SLF1: variants seen among roughly 807,000 people sequenced by gnomAD.
SLF1 encodes the protein SMC5-SMC6 complex localization factor protein 1.
SLF1 carries 105 observed loss-of-function variants against 123.0 expected under a neutral mutation model. The ratio of observed to expected loss-of-function variants is 0.85; its 90% CI spans 0.73 to 1.00. SLF1 has a LOEUF of 1.00. Among genes scored for constraint, SLF1 ranks in the 50% least tolerant of loss-of-function variants. The pLI, the probability that SLF1 is intolerant of heterozygous loss-of-function variation, is 0.00. For missense variants in SLF1, 1,239 were observed against 1,223.0 expected (o/e 1.01, Z -0.20); for synonymous variants, 434 against 406.6 (o/e 1.07, Z -0.81).
rs762774766 is a variant in SLF1, at chr5:94,689,482, C to G, written c.2295C>G (p.Asn765Lys). The change falls in exon 18 of 21, where the codon AAC becomes AAG. Residue 765 changes from asparagine to lysine, a missense_variant. Transcript: ENST00000265140. The part of the protein sequence containing the change: ...VEGLPELLDL[N>K]LAKCSSSLKK... ...TTACTTTTCCTTTCAGAGACCTGAACCTTGCTAAATGTTCCTCATCATTAA... is the reference window on the plus strand; with the variant it reads ...TTACTTTTCCTTTCAGAGACCTGAAGCTTGCTAAATGTTCCTCATCATTAA... 3 of 1,611,456 alleles carry G rather than the reference C, an allele frequency of 1.9e-6. No homozygotes were observed. The highest frequency in any genetic ancestry group is 2.5e-6 in the Non-Finnish European group (3 of 1,178,918).
At chr5:94,641,847 T>C (rs1275912808) in intron 4 of SLF1, among the ~76,000 whole-genome samples, 4 of 152,360 alleles carry the variant, frequency 2.6e-5, no homozygotes, top group African/African-American at 7.2e-5. Flanking sequence ...AATTCTGCCT[T>C]GTACATGTAG....
intron 1 of SLF1, among the ~76,000 whole-genome samples, chr5:94,622,341 A>G (rs1341567602): frequency 6.6e-6 from 1 of 152,208 alleles, no homozygotes; most frequent in African/African-American, 2.4e-5. Flanking sequence ...AGTTTGCTGT[A>G]AAAGTAGGTT....
chr5:94,688,689 C>G lies in SLF1; in HGVS notation c.2285+20C>G, dbSNP rs1752726245. On this transcript the variant is annotated intron_variant, in intron 17 of 20. Coordinates refer to ENST00000265140, the MANE Select transcript of SLF1 (RefSeq NM_032290.4). Reference sequence around the variant, plus strand: ...GTTACTGTAAGTGATGCTGATATCCCAGCTGTGCTTTGTTTTGGAGTACAG... The same window carrying G: ...GTTACTGTAAGTGATGCTGATATCCGAGCTGTGCTTTGTTTTGGAGTACAG... 6.2e-7 allele frequency: 1 copy of G among 1,612,350 alleles called. No homozygotes were observed. The highest frequency in any genetic ancestry group is 1.3e-5 in the African/African-American group (1 of 74,872).
At chr5:94,622,762 ATTTAT>A (rs979121286) in intron 1 of SLF1, among the ~76,000 whole-genome samples, 8 of 152,084 alleles carry the variant, frequency 5.3e-5, no homozygotes, top group Admixed American at 2.0e-4. Context: ...AGTCTTAAAT[ATTTAT>A]TTTAGCTAAT....
intron 5 of SLF1, among the ~76,000 whole-genome samples, chr5:94,646,432 A>G (rs762993737): frequency 6.6e-5 from 10 of 152,232 alleles, no homozygotes; most frequent in African/African-American, 9.6e-5. Context: ...GAATGACCAT[A>G]TATCACACTT....
At chr5:94,624,106 G>A (rs1390539807) in intron 1 of SLF1, among the ~76,000 whole-genome samples, 1 of 152,112 alleles carries the variant, frequency 6.6e-6, no homozygotes, top group Non-Finnish European at 1.5e-5. Flanking sequence ...TTAGCTAGTA[G>A]CTCAGTTTTT....
At chr5:94,661,903 A>G (rs1047161348) in intron 9 of SLF1, among the ~76,000 whole-genome samples, 1 of 151,992 alleles carries the variant, frequency 6.6e-6, no homozygotes, top group South Asian at 2.1e-4. Flanking sequence ...TAAATATGCA[A>G]TTATGGGTGT....
chr5:94,637,657 A>G (rs1252488318), intron 4 of SLF1, among the ~76,000 whole-genome samples: 1 of 152,038 alleles, frequency 6.6e-6, no homozygotes, highest in African/African-American at 2.4e-5. Flanking sequence ...TAAGCTGAGC[A>G]CTGTTTAAAG....
chr5:94,639,566 G>A (rs1045496967), intron 4 of SLF1, among the ~76,000 whole-genome samples: 5 of 152,154 alleles, frequency 3.3e-5, no homozygotes, highest in African/African-American at 9.7e-5. Flanking sequence ...GTTGAACAAT[G>A]TGGGATTGGA....
intron 5 of SLF1, among the ~76,000 whole-genome samples, chr5:94,644,274 A>C (rs932102643): frequency 6.6e-6 from 1 of 151,988 alleles, no homozygotes; most frequent in Non-Finnish European, 1.5e-5. Context: ...TTTTACTCTA[A>C]TTTCCTAGTT....
chr5:94,656,781 C>G (rs1226920739), intron 9 of SLF1, among the ~76,000 whole-genome samples: 1 of 151,596 alleles, frequency 6.6e-6, no homozygotes, highest in Non-Finnish European at 1.5e-5. Flanking sequence ...TCATAATAGT[C>G]TCTAATATTC....
chr5:94,653,394 A>G lies in SLF1; in HGVS notation c.1005A>G (p.Leu335=). ...GVEHEKIKST[L]RRHIYNRDQK... ...AACATGAAAAAATAAAAAGTACCTT[A>G]AGAAGGCACATATATAATAGAGATC... The change falls in exon 8 of 21, where the codon TTA becomes TTG. Residue 335 remains leucine (L), a synonymous_variant. Transcript: ENST00000265140. The G allele has an allele frequency of 6.6e-7, 1 of 1,523,364 alleles. No individual in the cohort carries two copies. Among genetic ancestry groups the G allele is most frequent in the African/African-American group, 1.4e-5 (1 of 70,600 alleles). The allele number at this position is 1,523,364 out of a possible 1,614,324, so 94.4% of individuals were successfully genotyped here. A position where few individuals can be genotyped will look rare whatever the true frequency, so the allele number is the denominator to read the frequency against.
chr5:94,657,012 T>G (rs1433502742), intron 9 of SLF1, among the ~76,000 whole-genome samples: 1 of 148,932 alleles, frequency 6.7e-6, no homozygotes, highest in African/African-American at 2.4e-5. Flanking sequence ...TTTATTTATA[T>G]ATCTTTAATA....
At chr5:94,640,553 T>C (rs1585127872) in intron 4 of SLF1, among the ~76,000 whole-genome samples, 1 of 152,154 alleles carries the variant, frequency 6.6e-6, no homozygotes, top group Admixed American at 6.5e-5. Context: ...AATATGATAC[T>C]CTCCAGCCAT....
rs768621711 is a variant in SLF1, at chr5:94,667,601, C to T, written c.1532+1577C>T. Among the ~76,000 whole-genome samples the T allele has an allele frequency of 4.0e-4, 61 of 152,254 alleles. 1 individual carries two copies. Among genetic ancestry groups the T allele is most frequent in the Middle Eastern group, 3.4e-3 (1 of 294 alleles). On this transcript the variant is annotated intron_variant, in intron 12 of 20. Coordinates refer to ENST00000265140, the MANE Select transcript of SLF1 (RefSeq NM_032290.4). ...ATAGAAGATGGTTCAGATTTCTTAG[C>T]GAAATACGTAAGACCCTTCATGAGT... is the stretch of plus-strand genomic sequence containing the variant.
intron 14 of SLF1, among the ~76,000 whole-genome samples, chr5:94,674,221 A>G (rs1404116734): frequency 6.6e-6 from 1 of 152,166 alleles, no homozygotes; most frequent in East Asian, 1.9e-4. Flanking sequence ...TAAAACAATA[A>G]AATGATGTTG....
At chr5:94,681,741 TG>T (rs1198663255) in intron 15 of SLF1, among the ~76,000 whole-genome samples, 1 of 150,666 alleles carries the variant, frequency 6.6e-6, no homozygotes, top group African/African-American at 2.4e-5. Context: ...AGTGAGAATA[TG>T]CGGTGTCTGG....
At chr5:94,693,269 T>C (rs561566276) in intron 20 of SLF1, among the ~76,000 whole-genome samples, 5 of 152,164 alleles carry the variant, frequency 3.3e-5, no homozygotes, top group South Asian at 4.1e-4. Flanking sequence ...TATCATTTCA[T>C]AGTCAATGTT....
intron 12 of SLF1, among the ~76,000 whole-genome samples, chr5:94,668,880 G>C (rs1000310182): frequency 2.0e-5 from 3 of 152,136 alleles, no homozygotes; most frequent in African/African-American, 7.2e-5. Flanking sequence ...CTTAAAGAGA[G>C]GTGCTCAGTC....
Sources: allele counts gnomAD v4.1 joint callset (sites outside exome capture counted in the v4.1 genomes callset), GRCh38; gene constraint gnomAD v4.1.1; transcripts MANE v1.5; gene names NCBI Gene and HGNC (gene_info 2026-07-23, HGNC 2026-07-21).